ASTN2: variants seen among roughly 807,000 people sequenced by gnomAD.
ASTN2 encodes the protein astrotactin 2, also known as astrotactin-2.
In ASTN2, 54 loss-of-function variants were observed where a neutral mutation model predicts 139.8. That is an observed-to-expected ratio of 0.39 (90% CI 0.31 to 0.48). The LOEUF is 0.48. Ranked by LOEUF, ASTN2 falls within the 20% of genes least tolerant of loss-of-function variation. The pLI is 0.95. For missense variants in ASTN2, 1,565 were observed against 1,725.1 expected (o/e 0.91, Z 1.64); for synonymous variants, 756 against 719.5 (o/e 1.05, Z -0.81).
At chr9:116,609,330 A>C (rs533691870) in intron 19 of ASTN2, among the ~76,000 whole-genome samples, 195 of 143,870 alleles carry the variant, frequency 1.4e-3, no homozygotes, top group African/African-American at 3.8e-3. Flanking sequence ...CTCTCTCTCT[A>C]TATATATATA....
chr9:116,687,171 G>A (rs1860274507), intron 16 of ASTN2: 17 of 1,065,248 alleles, frequency 1.6e-5, no homozygotes, highest in Non-Finnish European at 1.8e-5. Context: ...CGGGTTCTCA[G>A]AGGAAAGCTC....
chr9:117,395,271 G>A (rs1366676366), intron 1 of ASTN2, among the ~76,000 whole-genome samples: 2 of 152,110 alleles, frequency 1.3e-5, no homozygotes, highest in Non-Finnish European at 2.9e-5. Context: ...ATAAGCCACT[G>A]GGGCAGGGTG....
chr9:116,610,395 C>T lies in ASTN2; in HGVS notation c.3355+7929G>A, dbSNP rs764663496. 6.5e-4 allele frequency among the ~76,000 whole-genome samples: 99 copies of T among 151,956 alleles called. 1 individual carries two copies. Among genetic ancestry groups the T allele is most frequent in the Non-Finnish European group, 2.2e-4 (15 of 67,980 alleles). On this transcript the variant is annotated intron_variant, in intron 19 of 22. Coordinates refer to ENST00000313400, the MANE Select transcript of ASTN2 (RefSeq NM_001365068.1). ...TGAGGCGGGTGGATCACCAGAGGTC[C>T]GGAGTTTGAGATCAGCCTGGCCAAC...
Position 116,863,693 on chromosome 9 carries a change from C to T in ASTN2, c.1930G>A (p.Asp644Asn). 3 of 1,614,124 alleles carry T rather than the reference C, an allele frequency of 1.9e-6. No homozygotes were observed. Among genetic ancestry groups the T allele is most frequent in the Non-Finnish European group, 2.5e-6 (3 of 1,180,008 alleles). Residue 644 changes from aspartate (D) to asparagine (N), a missense_variant, in exon 11 of 23, where the codon GAC becomes AAC. By Grantham distance (23) the Asp-to-Asn change is conservative. Around this residue, in one of 4 missense-constraint regions of ASTN2, gnomAD observed 503 missense variants for 591.7 expected, o/e 0.85. Coordinates refer to ENST00000313400, the MANE Select transcript of ASTN2 (RefSeq NM_001365068.1). ...MLSTYFETIN[D>N]LLSSFGPVRD... ...ACTGGCCCGAAGGAAGACAGCAGGTCATTGATGGTTTCAAAGTATGTGGAC... is the reference window on the plus strand; with the variant it reads ...ACTGGCCCGAAGGAAGACAGCAGGTTATTGATGGTTTCAAAGTATGTGGAC...
intron 5 of ASTN2, among the ~76,000 whole-genome samples, chr9:117,050,166 A>G (rs1838873574): frequency 6.6e-6 from 1 of 152,118 alleles, no homozygotes; most frequent in Non-Finnish European, 1.5e-5. Flanking sequence ...GGTGGCAAAG[A>G]AGAGCTAAGG....
At chr9:117,011,427 T>C (rs1226744335) in intron 6 of ASTN2, among the ~76,000 whole-genome samples, 6 of 152,320 alleles carry the variant, frequency 3.9e-5, no homozygotes. Flanking sequence ...GAAGTGGCCA[T>C]TTGTGAATAA....
intron 16 of ASTN2, among the ~76,000 whole-genome samples, chr9:116,681,098 A>C (rs1039030614): frequency 8.5e-5 from 13 of 152,242 alleles, no homozygotes; most frequent in Admixed American, 3.3e-4. Flanking sequence ...CTAGTTGCAG[A>C]TGACATAATT....
At chr9:116,914,908 T>C (rs1042429248) in intron 10 of ASTN2, among the ~76,000 whole-genome samples, 5 of 152,130 alleles carry the variant, frequency 3.3e-5, no homozygotes, top group African/African-American at 1.2e-4. Context: ...CTCAAAGTCA[T>C]AAAACCAGTA....
In ASTN2 at chr9:117,399,326, G is replaced by A. The variant is rs144147878; in HGVS notation, c.442+15171C>T. On this transcript the variant is annotated intron_variant, in intron 1 of 22. Transcript: ENST00000313400. ...TTAGAAGGAGTGAGGGAATATTCAC[G>A]CTGGATCTTAAAAGATGGTAGTTAT... 3.8e-3 allele frequency among the ~76,000 whole-genome samples: 585 copies of A among 152,202 alleles called. 5 individuals are homozygous for A. The highest frequency in any genetic ancestry group is 0.013 in the African/African-American group (546 of 41,514).
chr9:116,866,071 T>C lies in ASTN2; in HGVS notation c.1890-2338A>G, dbSNP rs974090366. Among the ~76,000 whole-genome samples the C allele has an allele frequency of 2.6e-5, 4 of 152,194 alleles. 1 individual carries two copies. Among genetic ancestry groups the C allele is most frequent in the African/African-American group, 9.6e-5 (4 of 41,454 alleles). Reference sequence around the variant, plus strand: ...AATTAATTCCTTTTCCCTGTGAGCATAGTGGCTAAATCTTTTAACTTATTG... The same window carrying C: ...AATTAATTCCTTTTCCCTGTGAGCACAGTGGCTAAATCTTTTAACTTATTG... On this transcript the variant is annotated intron_variant, in intron 10 of 22. Coordinates refer to ENST00000313400, the MANE Select transcript of ASTN2 (RefSeq NM_001365068.1).
At chr9:116,481,625 G>T (rs1250105000) in intron 20 of ASTN2, among the ~76,000 whole-genome samples, 1 of 152,174 alleles carries the variant, frequency 6.6e-6, no homozygotes, top group Non-Finnish European at 1.5e-5. Flanking sequence ...TTATGAAAAT[G>T]TTGAAGTGAA....
chr9:117,298,670 G>GTGTATATA (rs1554717041), intron 1 of ASTN2, among the ~76,000 whole-genome samples: 1 of 136,466 alleles, frequency 7.3e-6, no homozygotes, highest in African/African-American at 2.7e-5. Flanking sequence ...ATATATATGT[G>GTGTATATA]TATATATATA....
At position 117,414,660 on chromosome 9, in the gene ASTN2, CCCAGCCCCGGCCCCGG is replaced by C; in HGVS notation, c.263_278del (p.Ala88GlyfsTer85). ...CGGCGGCGGCGGCTCCGGCCCCGGT[CCCAGCCCCGGCCCCGG>C]CGCGGGCGCCGCTCCAGCCGATGTC... is the stretch of plus-strand genomic sequence containing the variant. On this transcript the variant is annotated frameshift_variant, in exon 1 of 23. Coordinates refer to ENST00000313400, the MANE Select transcript of ASTN2 (RefSeq NM_001365068.1). LOFTEE classifies it high-confidence loss of function. This position sits in a 1 kb window ranked among gnomAD's most constrained non-coding sequence, Gnocchi z 4.2. 7.7e-7 allele frequency: 1 copy of C among 1,298,762 alleles called. No homozygotes were observed. Among genetic ancestry groups the C allele is most frequent in the Non-Finnish European group, 9.7e-7 (1 of 1,029,532 alleles). The allele number at this position is 1,298,762 out of a possible 1,614,324, so 80.5% of individuals were successfully genotyped here.
At chr9:117,165,417 C>G (rs1830648633) in intron 3 of ASTN2, among the ~76,000 whole-genome samples, 1 of 152,060 alleles carries the variant, frequency 6.6e-6, no homozygotes. Context: ...AGTTCAAGGG[C>G]TGGGCTCCTT....
intron 10 of ASTN2, among the ~76,000 whole-genome samples, chr9:116,939,094 G>T (rs1835156804): frequency 6.6e-6 from 1 of 152,158 alleles, no homozygotes; most frequent in African/African-American, 2.4e-5. Context: ...TTGCTGGTGG[G>T]CCAGTCATGG....
At chr9:117,321,697 G>A (rs561390024) in intron 1 of ASTN2, among the ~76,000 whole-genome samples, 1 of 152,240 alleles carries the variant, frequency 6.6e-6, no homozygotes, top group African/African-American at 2.4e-5. Context: ...CACCTTCTCT[G>A]CCAGGCCAGG....
At chr9:117,313,890 G>T (rs968569821) in intron 1 of ASTN2, among the ~76,000 whole-genome samples, 3 of 152,100 alleles carry the variant, frequency 2.0e-5, no homozygotes, top group East Asian at 3.9e-4. Context: ...CTTCTAAATT[G>T]TATCTGAATT....
At chr9:116,929,771 C>G (rs1834849348) in intron 10 of ASTN2, among the ~76,000 whole-genome samples, 1 of 152,068 alleles carries the variant, frequency 6.6e-6, no homozygotes, top group African/African-American at 2.4e-5. Context: ...ATAATTTTTC[C>G]CCTTCTATTT....
At chr9:116,905,201 G>A (rs202007481) in intron 10 of ASTN2, among the ~76,000 whole-genome samples, 1 of 152,144 alleles carries the variant, frequency 6.6e-6, no homozygotes, top group East Asian at 1.9e-4. Context: ...GTACAGAAGA[G>A]CGTGTGCTCC....
Sources: gnomAD v4.1 joint callset for allele counts (sites outside exome capture counted in the v4.1 genomes callset) on GRCh38, gnomAD v4.1.1 for gene constraint, gnomAD v4.1.1 regional missense constraint, Gnocchi (gnomAD v3.1) non-coding constraint, MANE v1.5 for transcripts, NCBI Gene and HGNC (gene_info 2026-07-23, HGNC 2026-07-21) for gene names.